The following GRIA2 variants were observed in gnomAD, a reference collection of about 807,000 sequenced individuals.
The protein encoded by GRIA2 is glutamate receptor 2.
GRIA2 carries 14 observed loss-of-function variants against 97.3 expected under a neutral mutation model. That is an observed-to-expected ratio of 0.14 (90% CI 0.10 to 0.23). GRIA2 has a LOEUF of 0.23. Ranked by LOEUF, GRIA2 falls within the 10% of genes least tolerant of loss-of-function variation. GRIA2 has a pLI of 1.00. For synonymous variants in GRIA2, 412 were observed against 387.8 expected (o/e 1.06, Z -0.73); for missense variants, 558 against 1,069.8 (o/e 0.52, Z 6.67).
At chr4:157,265,679 G>A (rs1371221630) in intron 2 of GRIA2, among the ~76,000 whole-genome samples, 1 of 152,136 alleles carries the variant, frequency 6.6e-6, no homozygotes, top group Non-Finnish European at 1.5e-5. Flanking sequence ...CCAAGAAGCT[G>A]TAGCCAACTT....
chr4:157,317,689 AC>A lies in GRIA2; in HGVS notation c.700del (p.His234ThrfsTer15). 1.6e-6 allele frequency: 2 copies of A among 1,226,748 alleles called. No individual in the cohort carries two copies. Among genetic ancestry groups the A allele is most frequent in the Non-Finnish European group, 2.4e-6 (2 of 833,892 alleles). The allele number at this position is 1,226,748 out of a possible 1,614,324, so 76.0% of individuals were successfully genotyped here. A position where few individuals can be genotyped will look rare whatever the true frequency, so the allele number is the denominator to read the frequency against. ...VITIGKHVKGYHYIIANLGFT... is the reference protein window; with the variant it reads ...VITIGKHVKGXHYIIANLGFT... ...ACCATTGGAAAACATGTTAAAGGGT[AC>A]CACTACATCATTGCAAATCTGGTAG... On this transcript the variant is annotated frameshift_variant, in exon 5 of 16. Coordinates refer to ENST00000264426, the MANE Select transcript of GRIA2 (RefSeq NM_001083619.3). LOFTEE classifies it high-confidence loss of function.
chr4:157,358,330 C>T (rs1736482482), intron 12 of GRIA2, among the ~76,000 whole-genome samples: 1 of 152,082 alleles, frequency 6.6e-6, no homozygotes, highest in Admixed American at 6.6e-5. Context: ...TATTAAGAAC[C>T]TACTATGTAC....
At chr4:157,250,193 T>A (rs529838073) in intron 2 of GRIA2, among the ~76,000 whole-genome samples, 1 of 152,276 alleles carries the variant, frequency 6.6e-6, no homozygotes, top group African/African-American at 2.4e-5. Context: ...AAGATTATAT[T>A]CCTTGAGGAA....
chr4:157,255,898 T>C lies in GRIA2; in HGVS notation c.229+34091T>C, dbSNP rs115107530. On this transcript the variant is annotated intron_variant, in intron 2 of 15. Transcript: ENST00000264426. Reference sequence around the variant, plus strand: ...TACATACAAATGGCCAACAAGCATATGAAAAAATGCTTAACATTGCTAAGC... The same window carrying C: ...TACATACAAATGGCCAACAAGCATACGAAAAAATGCTTAACATTGCTAAGC... Among the ~76,000 whole-genome samples the C allele has an allele frequency of 9.3e-3, 1,409 of 151,328 alleles. 27 individuals are homozygous for C. Among genetic ancestry groups the C allele is most frequent in the African/African-American group, 0.032 (1,332 of 41,318 alleles).
rs1736628827 is a variant in GRIA2, at chr4:157,361,496, A to C, written c.2406+372A>C. ...CAGTATTATGTAATGAATAACATAA[A>C]ATAACATTGATAATGTTATTTATGT... On this transcript the variant is annotated intron_variant, in intron 14 of 15. Transcript: ENST00000264426. This position sits in a 1 kb window ranked among gnomAD's most constrained non-coding sequence, Gnocchi z 5.2. 7.4e-7 allele frequency: 1 copy of C among 1,345,972 alleles called. No individual in the cohort carries two copies. Among genetic ancestry groups the C allele is most frequent in the East Asian group, 2.3e-5 (1 of 43,192 alleles). The allele number at this position is 1,345,972 out of a possible 1,614,324, so 83.4% of individuals were successfully genotyped here.
intron 1 of GRIA2, chr4:157,221,367 C>A: frequency 1.8e-6 from 1 of 561,900 alleles, no homozygotes; most frequent in East Asian, 2.9e-5. Flanking sequence ...TTTATTAATT[C>A]TGCCTTAGCG....
At chr4:157,315,928 A>C (rs1304783533) in intron 4 of GRIA2, among the ~76,000 whole-genome samples, 1 of 152,212 alleles carries the variant, frequency 6.6e-6, no homozygotes. Context: ...ATAAATTAAT[A>C]TAACTTTTCC....
chr4:157,254,353 G>A (rs537357306), intron 2 of GRIA2, among the ~76,000 whole-genome samples: 64 of 152,086 alleles, frequency 4.2e-4, no homozygotes, highest in African/African-American at 1.5e-3. Context: ...TAAAGGAAAC[G>A]GTTAGTAGAT....
intron 5 of GRIA2, among the ~76,000 whole-genome samples, chr4:157,320,119 G>A (rs187269310): frequency 3.9e-5 from 6 of 151,960 alleles, no homozygotes; most frequent in African/African-American, 1.4e-4. Flanking sequence ...GGAAAAAATG[G>A]GGATAAGCAT....
rs138518191 is a variant in GRIA2 at position 157,241,841 on chromosome 4, T to C, written c.229+20034T>C. 1.0e-3 allele frequency among the ~76,000 whole-genome samples: 159 copies of C among 152,182 alleles called. 1 individual carries two copies. Among genetic ancestry groups the C allele is most frequent in the Non-Finnish European group, 2.0e-3 (135 of 67,964 alleles). ...GGAAGAAAAGAAACATGTTTCTAAG[T>C]GTTGATGAAAACGATACAAAAAGTA... On this transcript the variant is annotated intron_variant, in intron 2 of 15. Coordinates refer to ENST00000264426, the MANE Select transcript of GRIA2 (RefSeq NM_001083619.3).
At chr4:157,274,437 T>C (rs940647734) in intron 2 of GRIA2, among the ~76,000 whole-genome samples, 1 of 151,976 alleles carries the variant, frequency 6.6e-6, no homozygotes, top group Non-Finnish European at 1.5e-5. Flanking sequence ...TACATATGTA[T>C]ACATGTGCCA....
At chr4:157,231,761 G>T in intron 2 of GRIA2, among the ~76,000 whole-genome samples, 1 of 152,076 alleles carries the variant, frequency 6.6e-6, no homozygotes, top group East Asian at 1.9e-4. Flanking sequence ...AGAAAAGTTT[G>T]TCTCTTGTTT....
At chr4:157,305,012 CT>C (rs1300174020) in intron 3 of GRIA2, among the ~76,000 whole-genome samples, 3 of 152,110 alleles carry the variant, frequency 2.0e-5, no homozygotes, top group Non-Finnish European at 4.4e-5. Context: ...GAAGGGAGTG[CT>C]TTGCTATTCC....
rs201399509 is a variant in GRIA2 at position 157,275,418 on chromosome 4, G to T, written c.230-28134G>T. The stretch of plus-strand genomic sequence containing the variant: ...TTGGCTTTTGTTGCCATTGCTTTTG[G>T]TGTTTTAGTCATGAAGTCCTTGCCC... On this transcript the variant is annotated intron_variant, in intron 2 of 15. Transcript: ENST00000264426. 1.4e-4 allele frequency among the ~76,000 whole-genome samples: 22 copies of T among 152,224 alleles called. No homozygotes were observed. The East Asian group carries it at 3.9e-3, about 27-fold the overall frequency.
rs1231255794 is a variant in GRIA2 at position 157,362,888 on chromosome 4, G to C, written c.2496G>C (p.Leu832Phe). Residue 832 changes from leucine (L) to phenylalanine (F), a missense_variant, in exon 15 of 16, where the codon TTG becomes TTC. By Grantham distance (22) the Leu-to-Phe change is conservative. Coordinates refer to ENST00000264426, the MANE Select transcript of GRIA2 (RefSeq NM_001083619.3). ...TTGGTTTGGCAATGCTGGTGGCTTT[G>C]ATTGAGTTCTGTTACAAGTCAAGGG... The part of the protein sequence containing the change: ...GGLGLAMLVA[L>F]IEFCYKSRAE... The C allele has an allele frequency of 1.2e-6, 2 of 1,613,528 alleles. No homozygotes were observed. The highest frequency in any genetic ancestry group is 2.7e-5 in the African/African-American group (2 of 74,886).
chr4:157,220,673 T>TGC (rs1397834816), upstream of GRIA2: 34 of 206,680 alleles, frequency 1.6e-4, 1 homozygote, highest in East Asian at 3.7e-4. Context: ...TGTGTGTGTG[T>TGC]GCGCGCGCGC....
intron 11 of GRIA2, among the ~76,000 whole-genome samples, chr4:157,337,929 A>T (rs1244106720): frequency 6.8e-6 from 1 of 147,746 alleles, no homozygotes; most frequent in Non-Finnish European, 1.5e-5. Flanking sequence ...ATTCCCTGTG[A>T]CTTCCCTGTG....
chr4:157,257,271 A>G (rs915443984), intron 2 of GRIA2, among the ~76,000 whole-genome samples: 2 of 152,038 alleles, frequency 1.3e-5, no homozygotes, highest in Non-Finnish European at 1.5e-5. Context: ...ACTTTCAGAT[A>G]TATCATGTGG....
chr4:157,224,518 G>A (rs1255474924), intron 2 of GRIA2, among the ~76,000 whole-genome samples: 1 of 152,100 alleles, frequency 6.6e-6, no homozygotes, highest in African/African-American at 2.4e-5. Flanking sequence ...ATGAAATAGA[G>A]AATTTGTATC....
Sources: gnomAD v4.1 joint callset for allele counts (sites outside exome capture counted in the v4.1 genomes callset) on GRCh38, gnomAD v4.1.1 for gene constraint, Gnocchi (gnomAD v3.1) non-coding constraint, MANE v1.5 for transcripts, NCBI Gene and HGNC (gene_info 2026-07-23, HGNC 2026-07-21) for gene names.